AFF3: variants seen among roughly 807,000 people sequenced by gnomAD.
The protein encoded by AFF3 is AF4/FMR2 family member 3.
Under a neutral mutation model 129.7 loss-of-function variants are expected in AFF3, and 32 were observed. That is an observed-to-expected ratio of 0.25 (90% CI 0.19 to 0.33). AFF3 has a LOEUF of 0.33. Among genes scored for constraint, AFF3 ranks in the 10% least tolerant of loss-of-function variants. The probability of loss-of-function intolerance (pLI) is 1.00; values close to 1 mark genes in which losing one functional copy is unlikely to be tolerated. For synonymous variants in AFF3, 644 were observed against 635.4 expected (o/e 1.01, Z -0.20); for missense variants, 1,373 against 1,592.0 (o/e 0.86, Z 2.34).
intron 4 of AFF3, among the ~76,000 whole-genome samples, chr2:100,050,838 C>T (rs192423386): frequency 1.3e-5 from 2 of 152,314 alleles, no homozygotes; most frequent in East Asian, 3.9e-4. Flanking sequence ...CATGCAGGAG[C>T]TGATGCTGAC....
Position 99,551,352 on chromosome 2 carries a change from G to A in AFF3, c.*122C>T, listed in dbSNP as rs1249869841. ...GCCCTGCAAAAGATCATTGTTCAAT[G>A]CTGAGGAAATGTTCACCGCAGTCTG... is the stretch of plus-strand genomic sequence containing the variant. On this transcript the variant is annotated 3_prime_UTR_variant, in exon 25 of 25. Coordinates refer to ENST00000672756, the MANE Select transcript of AFF3 (RefSeq NM_001386135.1). 1.5e-6 allele frequency: 2 copies of A among 1,346,664 alleles called. No homozygotes were observed. Among genetic ancestry groups the A allele is most frequent in the Non-Finnish European group, 2.0e-6 (2 of 989,384 alleles). The allele number at this position is 1,346,664 out of a possible 1,614,324, so 83.4% of individuals were successfully genotyped here. A position where few individuals can be genotyped will look rare whatever the true frequency, so the allele number is the denominator to read the frequency against.
rs558124408 is a variant in AFF3, at chr2:99,909,806, A to G, written c.874-72282T>C. On this transcript the variant is annotated intron_variant, in intron 7 of 24. Transcript: ENST00000672756. ...TGCCCAATATTTTAACACATTGACA[A>G]TATGATCAGCTTTCTACTTCAGAAT... Among the ~76,000 whole-genome samples, 40 of 152,184 alleles carry G rather than the reference A, an allele frequency of 2.6e-4. No homozygotes were observed. The South Asian group carries it at 8.3e-3, about 32-fold the overall frequency.
intron 7 of AFF3, among the ~76,000 whole-genome samples, chr2:99,962,287 A>G (rs1395500207): frequency 6.6e-6 from 1 of 152,172 alleles, no homozygotes; most frequent in Non-Finnish European, 1.5e-5. Context: ...CCCTACAACT[A>G]CAGTCCACAA....
intron 7 of AFF3, chr2:100,006,387 C>A: frequency 2.4e-6 from 1 of 414,478 alleles, no homozygotes; most frequent in South Asian, 7.2e-5. Context: ...ACATTCCTTC[C>A]CTAACTAATA....
chr2:99,776,633 T>C (rs1245984325), intron 8 of AFF3, among the ~76,000 whole-genome samples: 2 of 152,166 alleles, frequency 1.3e-5, no homozygotes, highest in Admixed American at 6.6e-5. Flanking sequence ...CTAATTACAA[T>C]GGAGAGGGAA....
At chr2:100,044,489 G>C (rs971070039) in intron 4 of AFF3, among the ~76,000 whole-genome samples, 2 of 152,014 alleles carry the variant, frequency 1.3e-5, no homozygotes, top group Non-Finnish European at 2.9e-5. Flanking sequence ...TTTTTTTCAA[G>C]CTGTTTTTCA....
Position 99,601,565 on chromosome 2 carries a change from C to T in AFF3, c.1241G>A (p.Ser414Asn). 6.2e-7 allele frequency: 1 copy of T among 1,602,200 alleles called. No homozygotes were observed. The highest frequency in any genetic ancestry group is 8.5e-7 in the Non-Finnish European group (1 of 1,176,732). The change falls in exon 14 of 25, where the codon AGC becomes AAC. Residue 414 changes from serine to asparagine, a missense_variant. Transcript: ENST00000672756. Reference sequence around the variant, plus strand: ...GCTGCTGCCGCTGCTGCTGCTGCTGCTGCTGCCCTTGCTGGAAGGCACCGA... The same window carrying T: ...GCTGCTGCCGCTGCTGCTGCTGCTGTTGCTGCCCTTGCTGGAAGGCACCGA... ...RTSVPSSKGSSSSSSSGSSSS... is the reference protein window; with the variant it reads ...RTSVPSSKGSNSSSSSGSSSS...
chr2:100,027,280 T>C (rs914621647), intron 4 of AFF3, among the ~76,000 whole-genome samples: 2 of 152,160 alleles, frequency 1.3e-5, no homozygotes, highest in Admixed American at 1.3e-4. Flanking sequence ...TTGCATCTGC[T>C]CCAGAATAAT....
chr2:99,963,373 T>C (rs1037401448), intron 7 of AFF3, among the ~76,000 whole-genome samples: 4 of 152,120 alleles, frequency 2.6e-5, no homozygotes, highest in Admixed American at 1.3e-4. Flanking sequence ...CTAAAATTGA[T>C]GGTTGAAGCA....
intron 4 of AFF3, among the ~76,000 whole-genome samples, chr2:100,068,551 G>C (rs537126930): frequency 6.6e-6 from 1 of 152,316 alleles, no homozygotes; most frequent in African/African-American, 2.4e-5. Flanking sequence ...AGGCTGTGAT[G>C]CGTAAAAAAG....
At chr2:99,697,948 A>G (rs1192428062) in intron 11 of AFF3, among the ~76,000 whole-genome samples, 1 of 152,220 alleles carries the variant, frequency 6.6e-6, no homozygotes, top group Non-Finnish European at 1.5e-5. Flanking sequence ...GCACACCTGC[A>G]TCATAAGGTC....
At chr2:99,886,283 G>A (rs1315748800) in intron 7 of AFF3, among the ~76,000 whole-genome samples, 1 of 152,164 alleles carries the variant, frequency 6.6e-6, no homozygotes, top group East Asian at 1.9e-4. Flanking sequence ...TAAAGTTGGT[G>A]GAGCACTTAC....
At chr2:99,754,193 A>G (rs1681904224) in intron 8 of AFF3, among the ~76,000 whole-genome samples, 1 of 152,206 alleles carries the variant, frequency 6.6e-6, no homozygotes, top group African/African-American at 2.4e-5. Flanking sequence ...TGATTTTGCT[A>G]TAAGTGGCTT....
chr2:99,863,710 A>C (rs981910141), intron 7 of AFF3, among the ~76,000 whole-genome samples: 1 of 152,334 alleles, frequency 6.6e-6, no homozygotes, highest in East Asian at 1.9e-4. Context: ...TATTGGGCTA[A>C]GTGCGGCAAG....
At chr2:99,727,819 C>A (rs1258525737) in intron 10 of AFF3, among the ~76,000 whole-genome samples, 3 of 152,172 alleles carry the variant, frequency 2.0e-5, no homozygotes, top group African/African-American at 7.2e-5. Flanking sequence ...GCCTCGGCCT[C>A]TCAAAGTGTT....
At chr2:99,576,007 C>A (rs1193952939) in intron 18 of AFF3, among the ~76,000 whole-genome samples, 2 of 151,340 alleles carry the variant, frequency 1.3e-5, no homozygotes, top group Non-Finnish European at 2.9e-5. Context: ...GCCAGGAGTT[C>A]GAGACCAGCC....
At chr2:99,581,469 T>G (rs1229426473) in intron 17 of AFF3, among the ~76,000 whole-genome samples, 1 of 151,974 alleles carries the variant, frequency 6.6e-6, no homozygotes, top group Non-Finnish European at 1.5e-5. Flanking sequence ...GGATAAAGTG[T>G]TACACACTGC....
At chr2:99,772,209 G>A (rs1399011982) in intron 8 of AFF3, among the ~76,000 whole-genome samples, 4 of 152,110 alleles carry the variant, frequency 2.6e-5, no homozygotes, top group Admixed American at 6.5e-5. Context: ...GATGAGCCCC[G>A]GGCGAGGTGG....
chr2:99,994,714 G>A (rs1021892395), intron 7 of AFF3, among the ~76,000 whole-genome samples: 2 of 152,212 alleles, frequency 1.3e-5, no homozygotes, highest in Non-Finnish European at 2.9e-5. Context: ...ATGGTTTAAG[G>A]GAATGGCAAG....
Sources: gnomAD v4.1 joint callset for allele counts (sites outside exome capture counted in the v4.1 genomes callset) on GRCh38, gnomAD v4.1.1 for gene constraint, MANE v1.5 for transcripts, NCBI Gene and HGNC (gene_info 2026-07-23, HGNC 2026-07-21) for gene names.